The following KLC2 variants were observed in gnomAD, a reference collection of about 807,000 sequenced individuals.
KLC2 encodes KLC 2.
KLC2 carries 35 observed loss-of-function variants against 75.1 expected under a neutral mutation model. The ratio of observed to expected loss-of-function variants is 0.47; its 90% confidence interval spans 0.36 to 0.62. The LOEUF (loss-of-function observed/expected upper bound fraction) is 0.62, where lower values mean the gene tolerates loss of function less well. KLC2 is among the 20% of genes least tolerant of loss of function. The probability of loss-of-function intolerance (pLI) is 0.00; values close to 1 mark genes in which losing one functional copy is unlikely to be tolerated. For missense variants in KLC2, 611 were observed against 833.2 expected, an observed-to-expected ratio of 0.73 and a Z score of 3.28; for synonymous variants, 314 against 336.7, an observed-to-expected ratio of 0.93 and a Z score of 0.74.
In KLC2 at chr11:66,266,452, C is replaced by T. The variant is rs777417251; in HGVS notation, c.1747C>T (p.Leu583Phe). 3.3e-5 allele frequency: 53 copies of T among 1,611,776 alleles called. No individual in the cohort carries two copies. In the South Asian group the frequency reaches 5.7e-4, roughly 17 times the overall value. Residue 583 changes from leucine (L) to phenylalanine (F), a missense_variant, in exon 15 of 16, where the codon CTC (leucine) becomes TTC (phenylalanine). Physicochemically the swap from Leu to Phe is conservative, Grantham distance 22. Transcript: ENST00000394067. ...PNPRMKRASS[L>F]NFLNKSVEEP... ...CCTCAGGATGAAGCGGGCCAGTTCC[C>T]TCAACTTCCTCAACAAGAGCGTGGA...
At chr11:66,265,257 T>A in intron 11 of KLC2, 22 bp downstream of exon 11, 1 of 857,732 alleles carries the variant, frequency 1.2e-6, no homozygotes, top group Non-Finnish European at 1.9e-6. Context: ...GGGGCTGGGC[T>A]GGGGAGCAGG....
chr11:66,264,930 G>C (rs902180071), intron 9 of KLC2, 93 bp from the exon 10 acceptor site: 10 of 1,194,944 alleles, frequency 8.4e-6, no homozygotes, highest in Non-Finnish European at 1.2e-5. Flanking sequence ...AAGCCCAACC[G>C]TGGTCTCCCC....
the KLC2 span, among the ~76,000 whole-genome samples, chr11:66,246,564 C>G: frequency 6.6e-6 from 1 of 152,174 alleles, no homozygotes; most frequent in Admixed American, 6.5e-5. Context: ...TCTGCCAGGA[C>G]TTTCCACCCA....
rs1273862960 is a variant in KLC2, at chr11:66,266,991, C to A, written c.*35C>A. 6.2e-7 allele frequency: 1 copy of A among 1,608,298 alleles called. No individual in the cohort carries two copies. The highest frequency in any genetic ancestry group is 1.1e-5 in the South Asian group (1 of 91,020). On this transcript the variant is annotated 3_prime_UTR_variant, in exon 16 of 16. Transcript: ENST00000394067. ...GGCAGCCAGTCACCAGAGCGCCCAC[C>A]TGGCACACCCCCCTCACCCCAGCCC...
intron 1 of KLC2, chr11:66,258,250 G>C (rs1856147540): frequency 3.8e-6 from 1 of 261,690 alleles, no homozygotes; most frequent in African/African-American, 2.3e-5. Flanking sequence ...AGGGGCCAGG[G>C]TCTCCTGCAC....
intron 15 of KLC2, 29 bp from the exon 16 acceptor site, chr11:66,266,844 G>A: frequency 6.2e-7 from 1 of 1,608,632 alleles, no homozygotes; most frequent in Non-Finnish European, 8.5e-7. Context: ...GCAGCACAGG[G>A]CTGAGCCACC....
At position 66,264,216 on chromosome 11, in the gene KLC2, C is replaced by T. The variant is rs1303561638; in HGVS notation, c.1113C>T (p.Asn371=). The T allele has an allele frequency of 1.3e-6, 2 of 1,571,288 alleles. No homozygotes were observed. The highest frequency in any genetic ancestry group is 2.7e-5 in the African/African-American group (2 of 73,872). The change falls in exon 8 of 16, where the codon AAC becomes AAT. Residue 371 remains asparagine (N), a synonymous_variant. Coordinates refer to ENST00000394067, the MANE Select transcript of KLC2 (RefSeq NM_001318734.2). ...CCAATGTGGCCAAGACCAAGAACAA[C>T]CTGGTACCTTGGGGCTGAGAGGAGC... The part of the protein sequence containing the change: ...DDPNVAKTKN[N]LASCYLKQGK...
At chr11:66,260,401 T>C (rs1856311873) in intron 2 of KLC2, among the ~76,000 whole-genome samples, 1 of 152,110 alleles carries the variant, frequency 6.6e-6, no homozygotes, top group South Asian at 2.1e-4. Context: ...ATCAAGGCCA[T>C]GTGTGAAGCT....
At chr11:66,252,090 C>G in the KLC2 span, among the ~76,000 whole-genome samples, 5 of 152,198 alleles carry the variant, frequency 3.3e-5, no homozygotes, top group African/African-American at 1.2e-4. Flanking sequence ...TCATTTGTGG[C>G]TCACCTTCAT....
At position 66,264,361 on chromosome 11, in the gene KLC2, A is replaced by G. The variant is rs1197363896; in HGVS notation, c.1133A>G (p.Lys378Arg). The change falls in exon 9 of 16, where the codon AAG becomes AGG. Residue 378 changes from lysine to arginine, a missense_variant. Coordinates refer to ENST00000394067, the MANE Select transcript of KLC2 (RefSeq NM_001318734.2). Reference sequence around the variant, plus strand: ...CGCTTCCAGGCTTCCTGCTACCTGAAGCAGGGCAAGTACCAGGATGCGGAG... The same window carrying G: ...CGCTTCCAGGCTTCCTGCTACCTGAGGCAGGGCAAGTACCAGGATGCGGAG... ...TKNNLASCYLKQGKYQDAETL... is the reference protein window; with the variant it reads ...TKNNLASCYLRQGKYQDAETL... 3.1e-6 allele frequency: 5 copies of G among 1,612,942 alleles called. No homozygotes were observed. The highest frequency in any genetic ancestry group is 4.2e-6 in the Non-Finnish European group (5 of 1,179,522).
At chr11:66,254,903 C>T (rs1000452740), upstream of KLC2, among the ~76,000 whole-genome samples, 10 of 151,458 alleles carry the variant, frequency 6.6e-5, no homozygotes, top group South Asian at 6.3e-4. Context: ...CCAGCCTGGG[C>T]GACAGAGCAT....
chr11:66,262,765 A>C, intron 4 of KLC2, 49 bp from the exon 5 acceptor site: 2 of 1,404,778 alleles, frequency 1.4e-6, no homozygotes, highest in Non-Finnish European at 2.0e-6. Context: ...GTGCCATCCC[A>C]GTCCAGTGGG....
Position 66,264,832 on chromosome 11 carries a change from C to T in KLC2, c.1217-191C>T, listed in dbSNP as rs563525058. ...GCCTAGCACATGTCTTGGGCTGTGG[C>T]CTGAGGTGCAAGGGTCTGTTCTGCT... On this transcript the variant is annotated intron_variant, in intron 9 of 15. Transcript: ENST00000394067. 5.0e-6 allele frequency: 3 copies of T among 603,242 alleles called. No individual in the cohort carries two copies. In the Admixed American group the frequency reaches 9.0e-5, roughly 18 times the overall value. 37.4% of individuals were successfully genotyped at this position (603,242 alleles called of 1,614,324 possible).
At chr11:66,249,718 C>T in the KLC2 span, among the ~76,000 whole-genome samples, 1 of 152,174 alleles carries the variant, frequency 6.6e-6, no homozygotes, top group South Asian at 2.1e-4. Context: ...CACTCACAGT[C>T]ATCCCAGACT....
chr11:66,254,443 A>C (rs1429701318), upstream of KLC2, among the ~76,000 whole-genome samples: 1 of 152,108 alleles, frequency 6.6e-6, no homozygotes, highest in Non-Finnish European at 1.5e-5. Flanking sequence ...AGGTGGGATG[A>C]TCGCTTGATC....
intron 1 of KLC2, 56 bp from the exon 2 acceptor site, chr11:66,258,528 G>A: frequency 8.2e-7 from 1 of 1,222,730 alleles, no homozygotes; most frequent in Non-Finnish European, 1.2e-6. Context: ...ATCCGGGGCG[G>A]ACGGCGGTGT....
intron 11 of KLC2, 128 bp downstream of exon 11, chr11:66,265,363 C>G: frequency 2.5e-6 from 2 of 805,306 alleles, no homozygotes; most frequent in Non-Finnish European, 4.0e-6. Flanking sequence ...GGTCACCTGT[C>G]CCAAGAAGGC....
rs1416694556 is a variant in KLC2, at chr11:66,261,985, C to T, written c.459+13C>T. On this transcript the variant is annotated intron_variant, in intron 3 of 15. Transcript: ENST00000394067. ...CGCCTCCCCTAACGTGAGCTCCTACCATGGTCACTGTTGCCCAGCAAGGAG... is the reference window on the plus strand; with the variant it reads ...CGCCTCCCCTAACGTGAGCTCCTACTATGGTCACTGTTGCCCAGCAAGGAG... The T allele has an allele frequency of 3.7e-6, 6 of 1,608,834 alleles. No individual in the cohort carries two copies. The Admixed American group carries it at 1.0e-4, about 27-fold the overall frequency.
chr11:66,245,860 C>T, the KLC2 span, among the ~76,000 whole-genome samples: 4 of 152,198 alleles, frequency 2.6e-5, no homozygotes, highest in South Asian at 2.1e-4. Flanking sequence ...CCAGCCTGGA[C>T]GACAGAATGA....
Sources: allele counts gnomAD v4.1 joint callset (sites outside exome capture counted in the v4.1 genomes callset), GRCh38; gene constraint gnomAD v4.1.1; transcripts MANE v1.5; gene names NCBI Gene and HGNC (gene_info 2026-07-23, HGNC 2026-07-21).